PPP6R3: variants seen among roughly 807,000 people sequenced by gnomAD.
PPP6R3 encodes protein phosphatase 6 regulatory subunit 3.
A neutral mutation model predicts 110.7 loss-of-function variants in PPP6R3; 38 were observed. The ratio of observed to expected loss-of-function variants is 0.34; its 90% CI spans 0.26 to 0.45. The LOEUF (loss-of-function observed/expected upper bound fraction) is 0.45. PPP6R3 is among the 20% of genes least tolerant of loss of function. The pLI, the probability that PPP6R3 is intolerant of heterozygous loss-of-function variation, is 1.00. For synonymous variants in PPP6R3, 369 were observed against 373.5 expected, an observed-to-expected ratio of 0.99 and a Z score of 0.14; for missense variants, 870 against 1,062.4, an observed-to-expected ratio of 0.82 and a Z score of 2.52.
At chr11:68,492,390 C>T (rs891221270) in intron 1 of PPP6R3, among the ~76,000 whole-genome samples, 2 of 152,140 alleles carry the variant, frequency 1.3e-5, no homozygotes, top group South Asian at 2.1e-4. Context: ...TTCAAGTGAT[C>T]CTCCCACCTT....
intron 1 of PPP6R3, among the ~76,000 whole-genome samples, chr11:68,472,420 C>T (rs976413265): frequency 1.3e-5 from 2 of 152,160 alleles, no homozygotes; most frequent in African/African-American, 4.8e-5. Context: ...TGCATTTCTC[C>T]AGGGTACCAC....
chr11:68,479,160 A>G (rs2098876061), intron 1 of PPP6R3, among the ~76,000 whole-genome samples: 1 of 152,222 alleles, frequency 6.6e-6, no homozygotes, highest in Non-Finnish European at 1.5e-5. Flanking sequence ...AGTACTTAAC[A>G]GTAAGGGATA....
intron 1 of PPP6R3, among the ~76,000 whole-genome samples, chr11:68,484,944 A>G (rs973000781): frequency 2.0e-5 from 3 of 152,202 alleles, no homozygotes; most frequent in African/African-American, 7.2e-5. Flanking sequence ...GATTTTGATC[A>G]GGATTGCATT....
chr11:68,590,657 C>T lies in PPP6R3; in HGVS notation c.1731-3C>T. The T allele has an allele frequency of 6.3e-7, 1 of 1,577,864 alleles. No individual in the cohort carries two copies. Among genetic ancestry groups the T allele is most frequent in the South Asian group, 1.2e-5 (1 of 85,926 alleles). On this transcript the variant is annotated splice_region_variant and splice_polypyrimidine_tract_variant and intron_variant, in intron 16 of 23. Transcript: ENST00000393800. ...CCTACACTTTTATTTTGTTTTTTTA[C>T]AGTGTTTCTTTTGATCGAGTATCAG... is the stretch of plus-strand genomic sequence containing the variant.
chr11:68,497,341 A>G (rs1176222513), intron 1 of PPP6R3, among the ~76,000 whole-genome samples: 1 of 150,780 alleles, frequency 6.6e-6, no homozygotes, highest in Non-Finnish European at 1.5e-5. Flanking sequence ...GGCATGAGCC[A>G]CCACGTCCGG....
chr11:68,501,621 C>T (rs760816009), intron 1 of PPP6R3, among the ~76,000 whole-genome samples: 9 of 152,192 alleles, frequency 5.9e-5, no homozygotes, highest in Non-Finnish European at 1.3e-4. Context: ...GCCACTGTGC[C>T]CAGCCTTCAA....
At chr11:68,587,347 T>G (rs1288981893) in intron 15 of PPP6R3, 1 of 155,868 alleles carries the variant, frequency 6.4e-6, no homozygotes, top group East Asian at 1.9e-4. Flanking sequence ...GTAGGTAGGG[T>G]AGAAATTATT....
intron 8 of PPP6R3, among the ~76,000 whole-genome samples, chr11:68,561,748 T>C (rs2099422923): frequency 6.6e-6 from 1 of 152,180 alleles, no homozygotes; most frequent in Non-Finnish European, 1.5e-5. Flanking sequence ...GGATGAAAAC[T>C]GATAAAGCCC....
intron 1 of PPP6R3, among the ~76,000 whole-genome samples, chr11:68,472,292 CCTT>C (rs991391253): frequency 1.3e-5 from 2 of 152,152 alleles, no homozygotes; most frequent in African/African-American, 4.8e-5. Flanking sequence ...TGTGGTTTAT[CCTT>C]CTTCACTTCT....
intron 3 of PPP6R3, among the ~76,000 whole-genome samples, chr11:68,539,942 A>G (rs1009744384): frequency 1.3e-5 from 2 of 152,226 alleles, no homozygotes; most frequent in African/African-American, 2.4e-5. Context: ...AGGAACATCC[A>G]GGCAGGGGGA....
chr11:68,567,068 C>T lies in PPP6R3; in HGVS notation c.1030C>T (p.Arg344Trp). The T allele has an allele frequency of 1.3e-6, 2 of 1,551,452 alleles. No homozygotes were observed. The highest frequency in any genetic ancestry group is 8.7e-7 in the Non-Finnish European group (1 of 1,146,844). The change falls in exon 10 of 24, where the codon CGG (arginine) becomes TGG (tryptophan). Residue 344 changes from arginine (R) to tryptophan (W), a missense_variant. Arg to Trp is a moderately radical substitution (Grantham distance 101). Transcript: ENST00000393800. The stretch of plus-strand genomic sequence containing the variant: ...GCTGGATCCTCCTGTGGGGAATACC[C>T]GGTTGAATGTCATTAGGTTGATATC... ...GVLDPPVGNT[R>W]LNVIRLISSL...
In PPP6R3 at chr11:68,614,102, T is replaced by G; in HGVS notation, c.*985T>G. 1 of 986,156 alleles carries G rather than the reference T, an allele frequency of 1.0e-6. No individual in the cohort carries two copies. Among genetic ancestry groups the G allele is most frequent in the Non-Finnish European group, 1.2e-6 (1 of 830,198 alleles). The allele number at this position is 986,156 out of a possible 1,614,324, so 61.1% of individuals were successfully genotyped here. On this transcript the variant is annotated 3_prime_UTR_variant, in exon 24 of 24. Transcript: ENST00000393800. ...GAAAATGCTCGTGCTGCTAATGGAA[T>G]TAGAGTGCGTTCATTTTACAGGCTA...
chr11:68,493,760 G>T (rs1054995220), intron 1 of PPP6R3, among the ~76,000 whole-genome samples: 2 of 151,310 alleles, frequency 1.3e-5, no homozygotes, highest in African/African-American at 2.4e-5. Context: ...CCTGGCCAAG[G>T]TACTGTTATT....
chr11:68,606,474 T>C (rs564030141), intron 22 of PPP6R3, among the ~76,000 whole-genome samples: 1 of 141,972 alleles, frequency 7.0e-6, no homozygotes, highest in African/African-American at 2.8e-5. Flanking sequence ...AGCAAATTTA[T>C]GTAGTTTTTT....
At chr11:68,505,876 C>G (rs752007925) in intron 1 of PPP6R3, among the ~76,000 whole-genome samples, 11 of 152,018 alleles carry the variant, frequency 7.2e-5, no homozygotes, top group Non-Finnish European at 1.6e-4. Flanking sequence ...ACTAGAATTG[C>G]CAGCTACACA....
At position 68,492,072 on chromosome 11, in the gene PPP6R3, T is replaced by C. The variant is rs374693270; in HGVS notation, c.-157-27429T>C. On this transcript the variant is annotated intron_variant, in intron 1 of 23. Coordinates refer to ENST00000393800, the MANE Select transcript of PPP6R3 (RefSeq NM_001164161.2). The stretch of plus-strand genomic sequence containing the variant: ...TAAGTACCTTGTGTAAATTGCATCA[T>C]ACAGTATTTGTCCTTTTATCACTGG... 6.6e-5 allele frequency among the ~76,000 whole-genome samples: 10 copies of C among 152,370 alleles called. No homozygotes were observed. In the South Asian group the frequency reaches 2.1e-3, roughly 32 times the overall value.
intron 1 of PPP6R3, among the ~76,000 whole-genome samples, chr11:68,517,031 C>G (rs749910737): frequency 4.0e-5 from 6 of 151,468 alleles, no homozygotes; most frequent in Non-Finnish European, 7.4e-5. Flanking sequence ...CAGTGATGTT[C>G]CTTGGTATGG....
At chr11:68,505,168 TGTG>T in intron 1 of PPP6R3, 1 of 152,330 alleles carries the variant, frequency 6.6e-6, no homozygotes, top group African/African-American at 2.4e-5. Flanking sequence ...CTCAGAGAGA[TGTG>T]GTGACTTGCT....
chr11:68,468,185 T>C (rs138791641), intron 1 of PPP6R3, among the ~76,000 whole-genome samples: 61 of 152,356 alleles, frequency 4.0e-4, no homozygotes, highest in Admixed American at 7.8e-4. Flanking sequence ...ACCACAGTTT[T>C]AAGTGCTATT....
Sources: allele counts gnomAD v4.1 joint callset (sites outside exome capture counted in the v4.1 genomes callset), GRCh38; gene constraint gnomAD v4.1.1; transcripts MANE v1.5; gene names NCBI Gene and HGNC (gene_info 2026-07-23, HGNC 2026-07-21).